CACNA2D2: variants seen among roughly 807,000 people sequenced by gnomAD.
CACNA2D2 encodes calcium voltage-gated channel auxiliary subunit alpha2delta 2, also known as voltage-dependent calcium channel subunit alpha-2/delta-2.
A neutral mutation model predicts 166.4 loss-of-function variants in CACNA2D2; 48 were observed. That is an observed-to-expected ratio of 0.29 (90% CI 0.23 to 0.37). The LOEUF (loss-of-function observed/expected upper bound fraction) is 0.37, where lower values mean the gene tolerates loss of function less well. Among genes scored for constraint, CACNA2D2 ranks in the 10% least tolerant of loss-of-function variants. The pLI, the probability that CACNA2D2 is intolerant of heterozygous loss-of-function variation, is 1.00. For synonymous variants in CACNA2D2, 561 were observed against 573.7 expected (o/e 0.98, Z 0.32); for missense variants, 1,122 against 1,433.0 (o/e 0.78, Z 3.50).
intron 2 of CACNA2D2, among the ~76,000 whole-genome samples, chr3:50,449,233 C>T (rs1708994557): frequency 6.6e-6 from 1 of 152,196 alleles, no homozygotes; most frequent in South Asian, 2.1e-4. Flanking sequence ...GATGGCAGCC[C>T]CCCACCCCTG....
At chr3:50,392,532 C>A (rs1705936434) in intron 4 of CACNA2D2, among the ~76,000 whole-genome samples, 1 of 152,188 alleles carries the variant, frequency 6.6e-6, no homozygotes, top group South Asian at 2.1e-4. Flanking sequence ...TGTGGTCACA[C>A]CCACAGCTGG....
rs765499863 is a variant in CACNA2D2, at chr3:50,386,211, G to A, written c.510+1357C>T. Among the ~76,000 whole-genome samples, 6 of 152,246 alleles carry A rather than the reference G, an allele frequency of 3.9e-5. No individual in the cohort carries two copies. The East Asian group carries it at 7.8e-4, about 20-fold the overall frequency. The stretch of plus-strand genomic sequence containing the variant: ...CCCCAACAGAAGTCCAAGGGGCTAC[G>A]GGCAAGGAGTCAATGATTTAGAGTG... On this transcript the variant is annotated intron_variant, in intron 5 of 37. Transcript: ENST00000424201.
Position 50,364,617 on chromosome 3 carries a change from G to A in CACNA2D2, c.*49C>T. The A allele has an allele frequency of 6.8e-7, 1 of 1,461,642 alleles. No individual in the cohort carries two copies. The allele number at this position is 1,461,642 out of a possible 1,614,324, so 90.5% of individuals were successfully genotyped here. On this transcript the variant is annotated 3_prime_UTR_variant, in exon 38 of 38. Coordinates refer to ENST00000424201, the MANE Select transcript of CACNA2D2 (RefSeq NM_006030.4). ...AGTGTGGGGCAGGAGGGTGGGAAAGGCGAAGAGGCCGGGTGAGGTGGGAGT... is the reference window on the plus strand; with the variant it reads ...AGTGTGGGGCAGGAGGGTGGGAAAGACGAAGAGGCCGGGTGAGGTGGGAGT...
At chr3:50,394,904 G>A (rs1010779317) in intron 3 of CACNA2D2, among the ~76,000 whole-genome samples, 6 of 152,234 alleles carry the variant, frequency 3.9e-5, no homozygotes, top group Non-Finnish European at 7.3e-5. Flanking sequence ...CACCATGGCA[G>A]GAGAGGTTGA....
chr3:50,418,068 G>C (rs540979188), intron 3 of CACNA2D2, among the ~76,000 whole-genome samples: 7 of 152,238 alleles, frequency 4.6e-5, no homozygotes, highest in African/African-American at 1.7e-4. Flanking sequence ...GCAGTGCTGT[G>C]AGAGGCAGGA....
intron 2 of CACNA2D2, among the ~76,000 whole-genome samples, chr3:50,438,714 G>A (rs1334591945): frequency 6.6e-6 from 1 of 152,178 alleles, no homozygotes; most frequent in Non-Finnish European, 1.5e-5. Flanking sequence ...AGTGACCTGG[G>A]CAGGCCCCAA....
intron 6 of CACNA2D2, 54 bp downstream of exon 6, chr3:50,384,142 G>A (rs1393051368): frequency 6.2e-7 from 1 of 1,600,518 alleles, no homozygotes; most frequent in Non-Finnish European, 8.5e-7. Flanking sequence ...CCTGGCAGTG[G>A]GCCTGCCCCC....
chr3:50,454,155 C>T (rs1709236758), intron 2 of CACNA2D2, among the ~76,000 whole-genome samples: 1 of 152,240 alleles, frequency 6.6e-6, no homozygotes, highest in African/African-American at 2.4e-5. Context: ...CACCCACAGG[C>T]ACCAGAGCTG....
In CACNA2D2 at chr3:50,374,782, A is replaced by C; in HGVS notation, c.1939T>G (p.Phe647Val). The C allele has an allele frequency of 6.3e-7, 1 of 1,597,224 alleles. No individual in the cohort carries two copies. The highest frequency in any genetic ancestry group is 8.5e-7 in the Non-Finnish European group (1 of 1,172,862). The change falls in exon 22 of 38, where the codon TTC becomes GTC. Residue 647 changes from phenylalanine (F) to valine (V), a missense_variant. Transcript: ENST00000424201. Reference protein sequence around the residue: ...LGLVLPPYSTFYLQANLSDQI... With the variant: ...LGLVLPPYSTVYLQANLSDQI... ...TCACTGAGATTGGCTTGGAGGTAGAAGGTGCTGTAGGGTGGGAGCACCAGC... is the reference window on the plus strand; with the variant it reads ...TCACTGAGATTGGCTTGGAGGTAGACGGTGCTGTAGGGTGGGAGCACCAGC...
At chr3:50,483,926 T>G (rs1044780777) in intron 1 of CACNA2D2, among the ~76,000 whole-genome samples, 1 of 152,168 alleles carries the variant, frequency 6.6e-6, no homozygotes, top group African/African-American at 2.4e-5. Flanking sequence ...CACAGAGCAA[T>G]TGAGAGATGT....
intron 22 of CACNA2D2, among the ~76,000 whole-genome samples, chr3:50,371,192 TG>T (rs1210859576): frequency 6.6e-6 from 1 of 152,080 alleles, no homozygotes. Context: ...GGAGACGGGC[TG>T]GGTCTCCACC....
chr3:50,365,386 T>G lies in CACNA2D2; in HGVS notation c.3068A>C (p.Asn1023Thr). 1 of 1,613,420 alleles carries G rather than the reference T, an allele frequency of 6.2e-7. No homozygotes were observed. The highest frequency in any genetic ancestry group is 8.5e-7 in the Non-Finnish European group (1 of 1,179,788). ...GCAGTTTCCGCAGTCGATGATGGCG[T>G]TGTAGGAGGCGTTTACCGAGCCGAA... Reference protein sequence around the residue: ...YYFGSVNASYNAIIDCGNCSR... With the variant: ...YYFGSVNASYTAIIDCGNCSR... The change falls in exon 35 of 38, where the codon AAC (asparagine) becomes ACC (threonine). Residue 1023 changes from asparagine (N) to threonine (T), a missense_variant. Asn to Thr is a moderately conservative substitution (Grantham distance 65). Transcript: ENST00000424201. This position sits in a 1 kb window ranked among gnomAD's most constrained non-coding sequence, Gnocchi z 4.5.
intron 2 of CACNA2D2, among the ~76,000 whole-genome samples, chr3:50,469,894 C>G (rs1709990785): frequency 6.6e-6 from 1 of 152,014 alleles, no homozygotes; most frequent in Admixed American, 6.6e-5. Context: ...CCAAGCTGTT[C>G]CCCATCCCCT....
At chr3:50,500,883 T>C (rs1242756816) in intron 1 of CACNA2D2, among the ~76,000 whole-genome samples, 3 of 152,090 alleles carry the variant, frequency 2.0e-5, no homozygotes, top group South Asian at 2.1e-4. Context: ...GCCAGAGCGA[T>C]TGCAGAAATC....
intron 4 of CACNA2D2, among the ~76,000 whole-genome samples, chr3:50,388,004 G>A (rs1303165518): frequency 7.2e-5 from 11 of 152,216 alleles, no homozygotes; most frequent in African/African-American, 1.2e-4. Flanking sequence ...ACTCGACGCC[G>A]CATCTTCCAA....
chr3:50,391,327 A>G (rs1705875815), intron 4 of CACNA2D2, among the ~76,000 whole-genome samples: 1 of 149,852 alleles, frequency 6.7e-6, no homozygotes, highest in South Asian at 2.1e-4. Flanking sequence ...GCCAATGGCC[A>G]CTCCCCCCTC....
intron 2 of CACNA2D2, among the ~76,000 whole-genome samples, chr3:50,439,182 C>A (rs1170710310): frequency 6.6e-6 from 1 of 152,190 alleles, no homozygotes; most frequent in African/African-American, 2.4e-5. Context: ...ATGAACTGGG[C>A]AGGCCTGAAG....
At chr3:50,477,020 C>A (rs1559987626) in intron 1 of CACNA2D2, among the ~76,000 whole-genome samples, 1 of 151,568 alleles carries the variant, frequency 6.6e-6, no homozygotes, top group African/African-American at 2.4e-5. Flanking sequence ...AGCTCCGCCT[C>A]CAGGGTTCAT....
At chr3:50,435,865 C>T (rs183188022) in intron 2 of CACNA2D2, among the ~76,000 whole-genome samples, 8 of 152,262 alleles carry the variant, frequency 5.3e-5, no homozygotes, top group South Asian at 2.1e-4. Context: ...AATAAGGGGG[C>T]GAGACTTGAG....
Sources: allele counts gnomAD v4.1 joint callset (sites outside exome capture counted in the v4.1 genomes callset), GRCh38; gene constraint gnomAD v4.1.1; non-coding constraint Gnocchi (gnomAD v3.1); transcripts MANE v1.5; gene names NCBI Gene and HGNC (gene_info 2026-07-23, HGNC 2026-07-21).